ZNF277: variants seen among roughly 807,000 people sequenced by gnomAD.
ZNF277 encodes nuclear receptor-interacting factor 4.
A neutral mutation model predicts 60.7 loss-of-function variants in ZNF277; 55 were observed. The ratio of observed to expected loss-of-function variants is 0.91; its 90% CI spans 0.73 to 1.13. The LOEUF (loss-of-function observed/expected upper bound fraction) is 1.13, where lower values mean the gene tolerates loss of function less well. Ranked by LOEUF, ZNF277 falls within the 50% of genes most tolerant of loss-of-function variation. ZNF277 has a pLI of 0.00. For synonymous variants in ZNF277, 178 were observed against 179.3 expected (o/e 0.99, Z 0.06); for missense variants, 510 against 523.0 (o/e 0.98, Z 0.24).
At chr7:112,299,075 A>G (rs965059104) in intron 4 of ZNF277, among the ~76,000 whole-genome samples, 1 of 152,192 alleles carries the variant, frequency 6.6e-6, no homozygotes, top group African/African-American at 2.4e-5. Flanking sequence ...AATTCTGATT[A>G]GAGGATCAAC....
intron 4 of ZNF277, among the ~76,000 whole-genome samples, chr7:112,300,428 T>G (rs1792447960): frequency 6.6e-6 from 1 of 152,226 alleles, no homozygotes; most frequent in African/African-American, 2.4e-5. Context: ...TCCTCTTATT[T>G]CTCATCAGTC....
At chr7:112,222,724 T>C (rs1268321294) in intron 1 of ZNF277, among the ~76,000 whole-genome samples, 3 of 152,182 alleles carry the variant, frequency 2.0e-5, no homozygotes, top group Non-Finnish European at 4.4e-5. Flanking sequence ...AATAGGCATG[T>C]GTGATGGTTA....
rs532893274 is a variant in ZNF277, at chr7:112,309,483, C to G, written c.466-8699C>G. On this transcript the variant is annotated intron_variant, in intron 4 of 11. Transcript: ENST00000361822. ...TGTACTGCATCATGACAATCCATAC[C>G]CCACCCCTCTGTACCGTTTTCACTG... is the stretch of plus-strand genomic sequence containing the variant. Among the ~76,000 whole-genome samples, 6 of 151,822 alleles carry G rather than the reference C, an allele frequency of 4.0e-5. No homozygotes were observed. The East Asian group carries it at 1.2e-3, about 30-fold the overall frequency.
chr7:112,276,243 G>T (rs1791790993), intron 1 of ZNF277, among the ~76,000 whole-genome samples: 1 of 152,232 alleles, frequency 6.6e-6, no homozygotes, highest in Admixed American at 6.5e-5. Flanking sequence ...GTATAAGAAA[G>T]AAATGTCTGG....
chr7:112,338,806 G>A (rs887099548), intron 9 of ZNF277, among the ~76,000 whole-genome samples: 17 of 152,142 alleles, frequency 1.1e-4, no homozygotes, highest in Admixed American at 9.8e-4. Context: ...CCTGTGTAAG[G>A]ATTACCTTTT....
chr7:112,329,611 A>C (rs933041114), intron 6 of ZNF277, among the ~76,000 whole-genome samples: 3 of 152,184 alleles, frequency 2.0e-5, no homozygotes, highest in African/African-American at 7.2e-5. Context: ...AGAAAATGGC[A>C]ACAGAGAAGG....
intron 9 of ZNF277, among the ~76,000 whole-genome samples, chr7:112,338,684 T>G (rs762964522): frequency 2.4e-4 from 37 of 152,226 alleles, no homozygotes; most frequent in Non-Finnish European, 4.3e-4. Flanking sequence ...TTCCTTGATT[T>G]TAGTTTCTCT....
At chr7:112,296,406 T>A (rs1792332846) in intron 4 of ZNF277, 95 bp downstream of exon 4, 2 of 618,332 alleles carry the variant, frequency 3.2e-6, no homozygotes, top group Non-Finnish European at 5.1e-6. Context: ...CTTTTTGTTA[T>A]GGAAACTTTC....
rs1249631007 is a variant in ZNF277 at position 112,259,746 on chromosome 7, A to G, written c.92-27127A>G. Among the ~76,000 whole-genome samples, 4 of 152,332 alleles carry G rather than the reference A, an allele frequency of 2.6e-5. No individual in the cohort carries two copies. In the South Asian group the frequency reaches 6.2e-4, roughly 24 times the overall value. ...TTATAAATGTGTTAATGCATGCACAAAAGTAACAGCTCATACAAACTGAGT... is the reference window on the plus strand; with the variant it reads ...TTATAAATGTGTTAATGCATGCACAGAAGTAACAGCTCATACAAACTGAGT... On this transcript the variant is annotated intron_variant, in intron 1 of 11. Coordinates refer to ENST00000361822, the MANE Select transcript of ZNF277 (RefSeq NM_021994.3).
chr7:112,315,177 G>A (rs539589979), intron 4 of ZNF277, among the ~76,000 whole-genome samples: 9 of 152,128 alleles, frequency 5.9e-5, no homozygotes, highest in South Asian at 4.1e-4. Flanking sequence ...TAACTCCCCC[G>A]ACGCTCATCT....
chr7:112,321,162 C>T (rs2117116689), intron 5 of ZNF277, among the ~76,000 whole-genome samples: 1 of 151,672 alleles, frequency 6.6e-6, no homozygotes, highest in East Asian at 1.9e-4. Context: ...ACCTCGTGAT[C>T]CCCCCGCCTC....
intron 9 of ZNF277, 152 bp downstream of exon 9, chr7:112,337,978 G>A: frequency 1.7e-6 from 1 of 595,036 alleles, no homozygotes; most frequent in Non-Finnish European, 2.9e-6. Flanking sequence ...CAGAGCTCAG[G>A]GCAATTTAGT....
chr7:112,266,242 G>C (rs142242772), intron 1 of ZNF277, among the ~76,000 whole-genome samples: 1 of 152,014 alleles, frequency 6.6e-6, no homozygotes, highest in East Asian at 1.9e-4. Flanking sequence ...CATCTCCTGG[G>C]TTCAAGGGAT....
chr7:112,330,460 C>CA (rs774106936), intron 7 of ZNF277: 13,833 of 338,836 alleles, frequency 0.041, 1 homozygote, highest in Middle Eastern at 0.061. Flanking sequence ...TCATCTTGAC[C>CA]AAAAAAAAAA....
intron 5 of ZNF277, among the ~76,000 whole-genome samples, chr7:112,319,337 A>G (rs1009126418): frequency 6.6e-6 from 1 of 152,090 alleles, no homozygotes; most frequent in Non-Finnish European, 1.5e-5. Flanking sequence ...TCCTATCACT[A>G]GAAAAATTAC....
chr7:112,322,641 G>A (rs1034644759), intron 5 of ZNF277, among the ~76,000 whole-genome samples: 1 of 151,838 alleles, frequency 6.6e-6, no homozygotes, highest in Non-Finnish European at 1.5e-5. Context: ...CTTTAGACAG[G>A]GGTTTCTTTA....
At chr7:112,247,580 G>GATAC (rs1791113089) in intron 1 of ZNF277, among the ~76,000 whole-genome samples, 1 of 152,136 alleles carries the variant, frequency 6.6e-6, no homozygotes, top group Admixed American at 6.6e-5. Context: ...AAATCTAAGA[G>GATAC]ATACATGTTG....
intron 1 of ZNF277, among the ~76,000 whole-genome samples, chr7:112,208,673 G>GTTTTTTTTTTTT (rs1407981050): frequency 3.5e-5 from 2 of 56,858 alleles, no homozygotes; most frequent in African/African-American, 1.2e-4. Flanking sequence ...TGTATGATTT[G>GTTTTTTTTTTTT]ATTTTTTTTT....
intron 1 of ZNF277, among the ~76,000 whole-genome samples, chr7:112,279,896 G>A (rs952724391): frequency 6.6e-6 from 1 of 152,084 alleles, no homozygotes; most frequent in South Asian, 2.1e-4. Flanking sequence ...AGGATGGATT[G>A]GTTGTGCTGT....
Sources: allele counts gnomAD v4.1 joint callset (sites outside exome capture counted in the v4.1 genomes callset), GRCh38; gene constraint gnomAD v4.1.1; transcripts MANE v1.5; gene names NCBI Gene and HGNC (gene_info 2026-07-23, HGNC 2026-07-21).